IVD: variants seen among roughly 807,000 people sequenced by gnomAD.
IVD encodes isovaleryl-CoA dehydrogenase, mitochondrial.
In IVD, 31 loss-of-function variants were observed where a neutral mutation model predicts 51.3. That is an observed-to-expected ratio of 0.60 (90% CI 0.45 to 0.81). The LOEUF (loss-of-function observed/expected upper bound fraction) is 0.81. IVD is among the 40% of genes least tolerant of loss of function. The pLI, the probability that IVD is intolerant of heterozygous loss-of-function variation, is 0.00. For missense variants in IVD, 475 were observed against 552.0 expected (o/e 0.86, Z 1.40); for synonymous variants, 205 against 219.4 (o/e 0.93, Z 0.58).
chr15:40,413,679 TTTTGTTTGTTTG>T (rs34532325), intron 7 of IVD, among the ~76,000 whole-genome samples: 2 of 147,734 alleles, frequency 1.4e-5, no homozygotes, highest in African/African-American at 2.5e-5. Flanking sequence ...TTTTTGTTTT[TTTTGTTTGTTTG>T]TTTGTTTGTT....
chr15:40,417,130 G>A (rs1323465227), intron 11 of IVD, among the ~76,000 whole-genome samples: 1 of 151,456 alleles, frequency 6.6e-6, no homozygotes, highest in Non-Finnish European at 1.5e-5. Context: ...CTTGAACCCA[G>A]GAGGCGGAGG....
intron 8 of IVD, chr15:40,435,287 G>C (rs904841698): frequency 1.9e-6 from 1 of 536,696 alleles, no homozygotes; most frequent in African/African-American, 2.1e-5. Context: ...ATCTTAGCGA[G>C]TGAGGGAGGA....
intron 11 of IVD, among the ~76,000 whole-genome samples, chr15:40,417,135 C>T (rs1164426032): frequency 3.5e-5 from 5 of 144,356 alleles, no homozygotes; most frequent in African/African-American, 1.0e-4. Context: ...ACCCAGGAGG[C>T]GGAGGTTGCA....
chr15:40,418,760 A>G lies in IVD; in HGVS notation c.*497A>G, dbSNP rs1269605743. The G allele has an allele frequency of 1.8e-6, 2 of 1,094,216 alleles. No individual in the cohort carries two copies. Among genetic ancestry groups the G allele is most frequent in the East Asian group, 1.5e-4 (2 of 13,716 alleles). 67.8% of individuals were successfully genotyped at this position (1,094,216 alleles called of 1,614,324 possible). Reference sequence around the variant, plus strand: ...CAGGTTAAGTATCCCTAATCCTGAAATCTGAAACACTTGTGGTTCCAAGCA... The same window carrying G: ...CAGGTTAAGTATCCCTAATCCTGAAGTCTGAAACACTTGTGGTTCCAAGCA... On this transcript the variant is annotated 3_prime_UTR_variant, in exon 12 of 12. Coordinates refer to ENST00000487418, the MANE Select transcript of IVD (RefSeq NM_002225.5).
chr15:40,417,853 C>A (rs1891876069), intron 11 of IVD, among the ~76,000 whole-genome samples: 1 of 152,128 alleles, frequency 6.6e-6, no homozygotes, highest in African/African-American at 2.4e-5. Context: ...ATAAATTAAA[C>A]TTTCTCATAA....
intron 11 of IVD, 29 bp from the exon 12 acceptor site, chr15:40,418,101 T>C: frequency 1.9e-6 from 3 of 1,613,700 alleles, no homozygotes; most frequent in African/African-American, 1.3e-5. Context: ...AATCACTTCC[T>C]TTCTTCTCTG....
At chr15:40,406,864 C>CTT (rs920097308) in intron 1 of IVD, among the ~76,000 whole-genome samples, 5 of 138,768 alleles carry the variant, frequency 3.6e-5, no homozygotes, top group East Asian at 4.1e-4. Flanking sequence ...TTTCTTTTTT[C>CTT]TTTTTTTTTT....
At chr15:40,422,369 C>T (rs1892370386), downstream of IVD, among the ~76,000 whole-genome samples, 1 of 151,864 alleles carries the variant, frequency 6.6e-6, no homozygotes, top group Non-Finnish European at 1.5e-5. Flanking sequence ...CTGCAAGCTC[C>T]GCCTCCCAGG....
chr15:40,429,533 G>T (rs986137541), intron 7 of IVD, among the ~76,000 whole-genome samples: 10 of 152,188 alleles, frequency 6.6e-5, no homozygotes, highest in African/African-American at 2.4e-4. Context: ...GTTTGCTGCC[G>T]TATCCCCAGC....
downstream of IVD, among the ~76,000 whole-genome samples, chr15:40,427,712 A>T (rs1892751482): frequency 6.6e-6 from 1 of 152,236 alleles, no homozygotes; most frequent in Admixed American, 6.5e-5. Flanking sequence ...ACTATAAGAT[A>T]TATTAAGATT....
chr15:40,429,497 C>T (rs1378956335), intron 7 of IVD, among the ~76,000 whole-genome samples: 1 of 152,120 alleles, frequency 6.6e-6, no homozygotes, highest in Non-Finnish European at 1.5e-5. Context: ...TGAGCACTAA[C>T]CCATCTACAC....
At chr15:40,413,187 G>A in intron 7 of IVD, 100 bp downstream of exon 7, 1 of 924,942 alleles carries the variant, frequency 1.1e-6, no homozygotes, top group Non-Finnish European at 1.7e-6. Context: ...GAGAGGCTTG[G>A]CATTGTTAGC....
chr15:40,418,018 T>C (rs902911130), intron 11 of IVD, 112 bp from the exon 12 acceptor site: 1 of 1,491,532 alleles, frequency 6.7e-7, no homozygotes, highest in Non-Finnish European at 9.1e-7. Context: ...TTTGCTGCTT[T>C]TCTTTAATCA....
At chr15:40,422,431 C>T (rs1037782001), downstream of IVD, among the ~76,000 whole-genome samples, 9 of 151,620 alleles carry the variant, frequency 5.9e-5, no homozygotes, top group African/African-American at 1.7e-4. Context: ...CTACAAGCGC[C>T]CGCCACCATG....
Position 40,414,878 on chromosome 15 carries a change from T to A in IVD, c.785-11T>A, listed in dbSNP as rs762089901. 19 of 1,613,884 alleles carry A rather than the reference T, an allele frequency of 1.2e-5. No individual in the cohort carries two copies. Among genetic ancestry groups the A allele is most frequent in the Non-Finnish European group, 1.5e-5 (18 of 1,179,942 alleles). On this transcript the variant is annotated splice_polypyrimidine_tract_variant and intron_variant, in intron 7 of 11. Coordinates refer to ENST00000487418, the MANE Select transcript of IVD (RefSeq NM_002225.5). The stretch of plus-strand genomic sequence containing the variant: ...CAGCTCTCTCCCTCTGACCAGCACT[T>A]ATCCTGGCAGCTGCCAACATCCTGG...
At chr15:40,422,513 G>T (rs1255187515), downstream of IVD, among the ~76,000 whole-genome samples, 5 of 144,822 alleles carry the variant, frequency 3.5e-5, no homozygotes, top group Non-Finnish European at 7.5e-5. Flanking sequence ...TCGATCTCCC[G>T]ACCTCATGAT....
chr15:40,435,467 G>A, exon 9 of IVD: 1 of 1,248,872 alleles, frequency 8.0e-7, no homozygotes, highest in Non-Finnish European at 1.0e-6. Flanking sequence ...CGAGACCCGA[G>A]GTCAGACGTC....
chr15:40,421,895 C>A (rs533783533), downstream of IVD, among the ~76,000 whole-genome samples: 3 of 152,214 alleles, frequency 2.0e-5, no homozygotes, highest in Non-Finnish European at 4.4e-5. Context: ...GGTGTCAACA[C>A]ACCGCGCGGT....
At chr15:40,435,605 C>G, downstream of IVD, 1 of 1,109,950 alleles carries the variant, frequency 9.0e-7, no homozygotes, top group Non-Finnish European at 1.1e-6. Flanking sequence ...CCTCAAAATC[C>G]TTCTATGTTC....
Sources: allele counts gnomAD v4.1 joint callset (sites outside exome capture counted in the v4.1 genomes callset), GRCh38; gene constraint gnomAD v4.1.1; transcripts MANE v1.5; gene names NCBI Gene and HGNC (gene_info 2026-07-23, HGNC 2026-07-21).